Variants in NGEF observed in about 807,000 individuals in gnomAD.
NGEF encodes ephexin-1.
NGEF carries 31 observed loss-of-function variants against 80.9 expected under a neutral mutation model. That is an observed-to-expected ratio of 0.38 (90% CI 0.29 to 0.52). NGEF has a LOEUF of 0.52. Among genes scored for constraint, NGEF ranks in the 20% least tolerant of loss-of-function variants. The pLI is 0.84. For synonymous variants in NGEF, 371 were observed against 370.2 expected, an observed-to-expected ratio of 1.00 and a Z score of -0.03; for missense variants, 709 against 926.2, an observed-to-expected ratio of 0.77 and a Z score of 3.04.
rs775117997 is a variant in NGEF at position 232,968,363 on chromosome 2, C to T, written c.383+1851G>A. 9.2e-5 allele frequency among the ~76,000 whole-genome samples: 14 copies of T among 151,776 alleles called. No individual in the cohort carries two copies. The East Asian group carries it at 2.7e-3, about 29-fold the overall frequency. Reference sequence around the variant, plus strand: ...TCGGCTTCCCAAAGTGCCGGGATTACAGGAGTGAGCCACTGCACCTGGCCC... The same window carrying T: ...TCGGCTTCCCAAAGTGCCGGGATTATAGGAGTGAGCCACTGCACCTGGCCC... On this transcript the variant is annotated intron_variant, in intron 3 of 14. Transcript: ENST00000264051.
intron 3 of NGEF, among the ~76,000 whole-genome samples, chr2:232,938,362 A>G (rs1313625234): frequency 6.6e-6 from 1 of 152,178 alleles, no homozygotes; most frequent in African/African-American, 2.4e-5. Flanking sequence ...CTTCATGGAA[A>G]CGAATTGCCT....
intron 5 of NGEF, 109 bp from the exon 6 acceptor site, chr2:232,895,025 G>GA: frequency 7.8e-7 from 1 of 1,283,048 alleles, no homozygotes. Flanking sequence ...AGTTGAAAGG[G>GA]AAAAATCGCC....
At chr2:232,928,124 A>AGCC (rs1262169114) in intron 3 of NGEF, 6 of 1,003,278 alleles carry the variant, frequency 6.0e-6, no homozygotes, top group Non-Finnish European at 7.1e-6. Flanking sequence ...CCGGAGCTGC[A>AGCC]GCCGCCGCCG....
intron 1 of NGEF, among the ~76,000 whole-genome samples, chr2:232,995,112 A>AC (rs776800383): frequency 1.4e-4 from 1 of 7,296 alleles, no homozygotes; most frequent in East Asian, 0.056. Context: ...CAGTATGTAT[A>AC]TGTGTACAGT....
intron 3 of NGEF, among the ~76,000 whole-genome samples, chr2:232,936,715 G>A (rs11678759): frequency 2.4e-4 from 37 of 152,348 alleles, no homozygotes; most frequent in Middle Eastern, 3.4e-3. Context: ...TGGAAGCTTC[G>A]TGAGTAGAAC....
In NGEF at chr2:232,900,593, CAT is replaced by C. The variant is rs1208768450; in HGVS notation, c.829-5679_829-5678del. ...TCACACACACGCTCTCACAGTCACT[CAT>C]ATACACGTTCACTCACATACACACA... On this transcript the variant is annotated intron_variant, in intron 5 of 14. Coordinates refer to ENST00000264051, the MANE Select transcript of NGEF (RefSeq NM_019850.3). Among the ~76,000 whole-genome samples, 12 of 101,432 alleles carry C rather than the reference CAT, an allele frequency of 1.2e-4. 1 individual carries two copies. Among genetic ancestry groups the C allele is most frequent in the African/African-American group, 3.3e-4 (8 of 24,404 alleles). 66.5% of individuals were successfully genotyped at this position (101,432 alleles called of 152,430 possible).
chr2:232,988,148 G>T (rs1257755344), intron 1 of NGEF, among the ~76,000 whole-genome samples: 1 of 151,888 alleles, frequency 6.6e-6, no homozygotes, highest in Non-Finnish European at 1.5e-5. Flanking sequence ...TGGAGTAGAG[G>T]TGCCTTAGCT....
rs370420675 is a variant in NGEF, at chr2:232,974,913, C to T, written c.-23G>A. The stretch of plus-strand genomic sequence containing the variant: ...CATGGAAATAGAGCCAGATGTTTCT[C>T]AGCAGAACGACTGGAGGTCAATGAC... On this transcript the variant is annotated 5_prime_UTR_variant, in exon 2 of 15. An upstream open reading frame in the 5' UTR loses its in-frame stop. Coordinates refer to ENST00000264051, the MANE Select transcript of NGEF (RefSeq NM_019850.3). 1.9e-5 allele frequency: 30 copies of T among 1,606,744 alleles called. No homozygotes were observed. The African/African-American group carries it at 3.8e-4, about 20-fold the overall frequency.
chr2:232,935,214 T>C (rs1349729130), intron 3 of NGEF, among the ~76,000 whole-genome samples: 1 of 152,238 alleles, frequency 6.6e-6, no homozygotes, highest in East Asian at 1.9e-4. Flanking sequence ...AAAATTTTTC[T>C]TGATCCTGAG....
chr2:232,974,647 C>G lies in NGEF; in HGVS notation c.244G>C (p.Glu82Gln). The G allele has an allele frequency of 6.2e-7, 1 of 1,614,120 alleles. No homozygotes were observed. Among genetic ancestry groups the G allele is most frequent in the Non-Finnish European group, 8.5e-7 (1 of 1,180,030 alleles). Reference sequence around the variant, plus strand: ...CCTGCCAGGCAGCTGGCGTTCCGTTCGGGGTTGTCTCTGGCCTTGGCTTTG... The same window carrying G: ...CCTGCCAGGCAGCTGGCGTTCCGTTGGGGGTTGTCTCTGGCCTTGGCTTTG... Reference protein sequence around the residue: ...KSKAKARDNPERNASCLADSQ... With the variant: ...KSKAKARDNPQRNASCLADSQ... The change falls in exon 2 of 15, where the codon GAA (glutamate) becomes CAA (glutamine). Residue 82 changes from glutamate to glutamine, a missense_variant. By Grantham distance (29) the Glu-to-Gln change is conservative. Transcript: ENST00000264051.
At chr2:232,952,893 C>T (rs1290850060) in intron 3 of NGEF, among the ~76,000 whole-genome samples, 3 of 142,556 alleles carry the variant, frequency 2.1e-5, no homozygotes, top group Non-Finnish European at 4.5e-5. Context: ...CACTTGAACC[C>T]GGAGGCAGAG....
intron 3 of NGEF, among the ~76,000 whole-genome samples, chr2:232,943,056 C>T (rs1693472920): frequency 6.6e-6 from 1 of 151,914 alleles, no homozygotes; most frequent in African/African-American, 2.4e-5. Flanking sequence ...TGTTGCTCAG[C>T]CCTTGGAGTA....
In NGEF at chr2:232,974,797, G is replaced by T; in HGVS notation, c.94C>A (p.Pro32Thr). 6.2e-7 allele frequency: 1 copy of T among 1,614,190 alleles called. No individual in the cohort carries two copies. Among genetic ancestry groups the T allele is most frequent in the Non-Finnish European group, 8.5e-7 (1 of 1,180,038 alleles). Residue 32 changes from proline (P) to threonine (T), a missense_variant, in exon 2 of 15, where the codon CCT becomes ACT. By Grantham distance (38) the Pro-to-Thr change is conservative. Coordinates refer to ENST00000264051, the MANE Select transcript of NGEF (RefSeq NM_019850.3). ...TCCTCTTTTTCTGGGAGTAACTCAG[G>T]TTTCACCTTGGCTGGTTCATTATCA... ...NTDNEPAKVKPELLPEKEETS... is the reference protein window; with the variant it reads ...NTDNEPAKVKTELLPEKEETS...
intron 1 of NGEF, among the ~76,000 whole-genome samples, chr2:232,990,751 G>A (rs6437080): frequency 0.2 from 30,788 of 151,742 alleles, 3,819 homozygotes; most frequent in Non-Finnish European, 0.28. Context: ...AAAATGGAAG[G>A]GCTACTAAAC....
chr2:232,993,165 ATT>A (rs1694697225), intron 1 of NGEF, among the ~76,000 whole-genome samples: 1 of 118,046 alleles, frequency 8.5e-6, no homozygotes, highest in African/African-American at 3.3e-5. Context: ...ATATATATAT[ATT>A]ATATATATAA....
chr2:232,885,975 C>T (rs1234815715), intron 9 of NGEF, among the ~76,000 whole-genome samples: 2 of 152,252 alleles, frequency 1.3e-5, no homozygotes, highest in African/African-American at 4.8e-5. Flanking sequence ...ATGATCTATG[C>T]AGATACGCAA....
chr2:232,975,480 G>T (rs879391633), intron 1 of NGEF, among the ~76,000 whole-genome samples: 1 of 152,158 alleles, frequency 6.6e-6, no homozygotes, highest in Non-Finnish European at 1.5e-5. Flanking sequence ...TGGCCTTTCT[G>T]ATGGAATGAT....
At chr2:233,011,119 C>T (rs1003087224) in intron 1 of NGEF, among the ~76,000 whole-genome samples, 1 of 152,070 alleles carries the variant, frequency 6.6e-6, no homozygotes, top group African/African-American at 2.4e-5. Flanking sequence ...TTTCACCAAG[C>T]GGGGTTTCTG....
chr2:232,888,245 C>T lies in NGEF; in HGVS notation c.1273-138G>A, dbSNP rs556033000. 2.4e-4 allele frequency: 152 copies of T among 633,716 alleles called. No individual in the cohort carries two copies. In the African/African-American group the frequency reaches 2.5e-3, roughly 10 times the overall value. 39.3% of individuals were successfully genotyped at this position (633,716 alleles called of 1,614,324 possible). The stretch of plus-strand genomic sequence containing the variant: ...ATGCACACACACACACACGCACGCA[C>T]GCACACGCATACATGCATGCACACA... On this transcript the variant is annotated intron_variant, in intron 8 of 14. Transcript: ENST00000264051.
Sources: gnomAD v4.1 joint callset for allele counts (sites outside exome capture counted in the v4.1 genomes callset) on GRCh38, gnomAD v4.1.1 for gene constraint, MANE v1.5 for transcripts, NCBI Gene and HGNC (gene_info 2026-07-23, HGNC 2026-07-21) for gene names.